LINGO2: variants seen among roughly 807,000 people sequenced by gnomAD.
LINGO2 encodes leucine rich repeat and Ig domain containing 2, also known as leucine-rich repeat and immunoglobulin-like domain-containing nogo receptor-interacting protein 2.
Under a neutral mutation model 30.6 loss-of-function variants are expected in LINGO2, and 14 were observed. The ratio of observed to expected loss-of-function variants is 0.46; its 90% CI spans 0.30 to 0.72. The LOEUF is 0.72. Ranked by LOEUF, LINGO2 falls within the 30% of genes least tolerant of loss-of-function variation. The pLI is 0.07. For missense variants in LINGO2, 729 were observed against 751.7 expected (o/e 0.97, Z 0.35); for synonymous variants, 317 against 288.5 (o/e 1.10, Z -1.00).
At chr9:28,898,536 T>C in the LINGO2 span, among the ~76,000 whole-genome samples, 1 of 152,342 alleles carries the variant, frequency 6.6e-6, no homozygotes, top group Non-Finnish European at 1.5e-5. Context: ...TTATTTTTTC[T>C]ATCTACTGGT....
At chr9:28,971,800 A>G in the LINGO2 span, among the ~76,000 whole-genome samples, 1 of 152,206 alleles carries the variant, frequency 6.6e-6, no homozygotes, top group African/African-American at 2.4e-5. Context: ...TTGAGTGAAC[A>G]TAGGCAATAG....
At chr9:28,330,380 C>T (rs1386842056) in intron 3 of LINGO2, among the ~76,000 whole-genome samples, 1 of 152,272 alleles carries the variant, frequency 6.6e-6, no homozygotes, top group South Asian at 2.1e-4. Context: ...GCGTAAAGTA[C>T]AGAGAGCTCC....
chr9:28,146,982 A>G (rs1587080847), intron 4 of LINGO2, among the ~76,000 whole-genome samples: 1 of 152,234 alleles, frequency 6.6e-6, no homozygotes, highest in East Asian at 1.9e-4. Flanking sequence ...GATCCTTCCC[A>G]TCAGACAAGA....
chr9:29,124,399 A>T, the LINGO2 span, among the ~76,000 whole-genome samples: 2 of 152,226 alleles, frequency 1.3e-5, no homozygotes, highest in African/African-American at 4.8e-5. Context: ...AACAAAAGCC[A>T]AAACTGTCAG....
intron 4 of LINGO2, among the ~76,000 whole-genome samples, chr9:28,183,704 G>A (rs1388588034): frequency 6.6e-6 from 1 of 152,098 alleles, no homozygotes; most frequent in African/African-American, 2.4e-5. Context: ...GATGTAGCCT[G>A]TATACATGTA....
chr9:28,226,287 A>G (rs1270856581), intron 4 of LINGO2, among the ~76,000 whole-genome samples: 1 of 152,068 alleles, frequency 6.6e-6, no homozygotes, highest in Non-Finnish European at 1.5e-5. Flanking sequence ...AGCCTATCTG[A>G]AGTGTACCAA....
intron 2 of LINGO2, among the ~76,000 whole-genome samples, chr9:28,380,819 A>T (rs1821326229): frequency 6.6e-6 from 1 of 152,106 alleles, no homozygotes; most frequent in South Asian, 2.1e-4. Flanking sequence ...AAGAACATGG[A>T]ACACTAAGAA....
intron 2 of LINGO2, among the ~76,000 whole-genome samples, chr9:28,448,432 A>G (rs1824513250): frequency 6.6e-6 from 1 of 152,254 alleles, no homozygotes; most frequent in South Asian, 2.1e-4. Flanking sequence ...CATATTTTGA[A>G]CTCTTACTGA....
At chr9:28,888,475 C>T in the LINGO2 span, among the ~76,000 whole-genome samples, 1 of 152,016 alleles carries the variant, frequency 6.6e-6, no homozygotes, top group Non-Finnish European at 1.5e-5. Context: ...TACTTAAACT[C>T]CTGATTAGAT....
chr9:28,242,434 A>T (rs1017013395), intron 4 of LINGO2, among the ~76,000 whole-genome samples: 3 of 152,206 alleles, frequency 2.0e-5, no homozygotes, highest in African/African-American at 7.2e-5. Flanking sequence ...GAAAAAAAAT[A>T]AAAAGGAAAA....
At chr9:28,058,911 T>C (rs982529344) in intron 4 of LINGO2, among the ~76,000 whole-genome samples, 5 of 152,190 alleles carry the variant, frequency 3.3e-5, no homozygotes, top group African/African-American at 1.2e-4. Context: ...TGTACATGCA[T>C]GCAATTTATA....
intron 3 of LINGO2, among the ~76,000 whole-genome samples, chr9:28,298,140 A>G (rs1386834303): frequency 6.6e-6 from 1 of 152,160 alleles, no homozygotes; most frequent in Non-Finnish European, 1.5e-5. Flanking sequence ...TTTTTCACTT[A>G]TCTCTCTCCA....
the LINGO2 span, among the ~76,000 whole-genome samples, chr9:28,966,061 T>G: frequency 1.3e-5 from 2 of 152,158 alleles, no homozygotes; most frequent in Admixed American, 1.3e-4. Flanking sequence ...GAGAAAAATT[T>G]CCTTTCAGCA....
At chr9:28,677,976 T>C in the LINGO2 span, among the ~76,000 whole-genome samples, 1 of 151,742 alleles carries the variant, frequency 6.6e-6, no homozygotes, top group Admixed American at 6.6e-5. Context: ...CCACCCCCAC[T>C]CCAAGCTGTT....
chr9:27,996,552 C>A (rs77337734), intron 5 of LINGO2, among the ~76,000 whole-genome samples: 6 of 152,008 alleles, frequency 3.9e-5, no homozygotes, highest in African/African-American at 1.4e-4. Flanking sequence ...CTCTCATGTG[C>A]AAATTATCTC....
At position 28,557,546 on chromosome 9, in the gene LINGO2, G is replaced by T. The variant is rs1412300151; in HGVS notation, c.-364-81521C>A. Among the ~76,000 whole-genome samples, 4 of 151,932 alleles carry T rather than the reference G, an allele frequency of 2.6e-5. No homozygotes were observed. In the East Asian group the frequency reaches 7.7e-4, roughly 29 times the overall value. ...AAATAGGAACACTTTTACACTGTTG[G>T]TGCGACTGTAAACTAGTTCAACCAT... On this transcript the variant is annotated intron_variant, in intron 1 of 5. Transcript: ENST00000379992.
rs370459177 is a variant in LINGO2, at chr9:28,013,896, TG to T, written c.-86-1492del. ...TGAAAGGATATTTCTGGCTAAAGAA[TG>T]GGGCTTTCATTGCCGTTATTTTCTT... is the stretch of plus-strand genomic sequence containing the variant. On this transcript the variant is annotated intron_variant, in intron 4 of 5. Coordinates refer to ENST00000379992, the Ensembl canonical transcript of LINGO2. Among the ~76,000 whole-genome samples the T allele has an allele frequency of 1.8e-4, 27 of 152,328 alleles. No homozygotes were observed. The East Asian group carries it at 1.9e-3, about 11-fold the overall frequency.
the LINGO2 span, among the ~76,000 whole-genome samples, chr9:28,796,399 C>T: frequency 6.6e-6 from 1 of 151,970 alleles, no homozygotes; most frequent in Non-Finnish European, 1.5e-5. Context: ...AGTTGCATCT[C>T]AAAATTATTT....
the LINGO2 span, among the ~76,000 whole-genome samples, chr9:28,739,246 C>T: frequency 6.6e-6 from 1 of 151,972 alleles, no homozygotes; most frequent in Admixed American, 6.5e-5. Context: ...AAATGTGCAT[C>T]TAAACCATTA....
Sources: allele counts gnomAD v4.1 joint callset (sites outside exome capture counted in the v4.1 genomes callset), GRCh38; gene constraint gnomAD v4.1.1; transcripts MANE v1.5; gene names NCBI Gene and HGNC (gene_info 2026-07-23, HGNC 2026-07-21).